HECW2: variants seen among roughly 807,000 people sequenced by gnomAD.
The protein encoded by HECW2 is HECT, C2 and WW domain containing E3 ubiquitin protein ligase 2, also known as E3 ubiquitin-protein ligase HECW2.
Under a neutral mutation model 175.2 loss-of-function variants are expected in HECW2, and 61 were observed. That is an observed-to-expected ratio of 0.35 (90% CI 0.28 to 0.43). The LOEUF (loss-of-function observed/expected upper bound fraction) is 0.43, where lower values mean the gene tolerates loss of function less well. Ranked by LOEUF, HECW2 falls within the 20% of genes least tolerant of loss-of-function variation. The probability of loss-of-function intolerance (pLI) is 1.00; values close to 1 mark genes in which losing one functional copy is unlikely to be tolerated. For synonymous variants in HECW2, 671 were observed against 731.0 expected, an observed-to-expected ratio of 0.92 and a Z score of 1.32; for missense variants, 1,524 against 2,000.5, an observed-to-expected ratio of 0.76 and a Z score of 4.54.
At chr2:196,291,316 T>C (rs1690595799) in intron 14 of HECW2, 2 of 152,186 alleles carry the variant, frequency 1.3e-5, no homozygotes, top group African/African-American at 2.4e-5. Context: ...TCCATTCCTG[T>C]CTTTCACTAG....
intron 21 of HECW2, among the ~76,000 whole-genome samples, chr2:196,236,735 C>A (rs115260186): frequency 0.011 from 1,648 of 152,248 alleles, 21 homozygotes; most frequent in African/African-American, 0.037. Flanking sequence ...CATGGTTGGA[C>A]TAGCATTATG....
intron 4 of HECW2, among the ~76,000 whole-genome samples, chr2:196,331,736 C>T (rs991158073): frequency 3.9e-5 from 6 of 152,204 alleles, no homozygotes; most frequent in Non-Finnish European, 1.5e-5. Flanking sequence ...TGAACAACAA[C>T]TCTGGCAAAA....
At chr2:196,201,466 GTGTC>G in intron 28 of HECW2, 78 bp from the exon 29 acceptor site, 1 of 902,662 alleles carries the variant, frequency 1.1e-6, no homozygotes, top group South Asian at 1.4e-5. Flanking sequence ...GTGTGTGTGT[GTGTC>G]TGTGTGTGTA....
At chr2:196,489,528 A>G (rs1687117408) in intron 1 of HECW2, among the ~76,000 whole-genome samples, 1 of 152,160 alleles carries the variant, frequency 6.6e-6, no homozygotes, top group South Asian at 2.1e-4. Flanking sequence ...ACATACTCCA[A>G]ATCCTTTCCT....
At chr2:196,311,451 T>C (rs1228608449) in intron 10 of HECW2, among the ~76,000 whole-genome samples, 1 of 152,180 alleles carries the variant, frequency 6.6e-6, no homozygotes, top group Non-Finnish European at 1.5e-5. Context: ...AACAAACCCA[T>C]GAGGCAAATG....
intron 3 of HECW2, among the ~76,000 whole-genome samples, chr2:196,335,885 T>G (rs975505178): frequency 6.6e-6 from 1 of 152,154 alleles, no homozygotes; most frequent in South Asian, 2.1e-4. Flanking sequence ...AGGTTTCTGG[T>G]CTAGTGGCTG....
chr2:196,342,722 T>C (rs1011773167), intron 3 of HECW2, among the ~76,000 whole-genome samples: 1 of 152,124 alleles, frequency 6.6e-6, no homozygotes, highest in Non-Finnish European at 1.5e-5. Flanking sequence ...TAAGCCGACC[T>C]CAATGTCAGT....
At chr2:196,203,071 T>C (rs12620948) in intron 28 of HECW2, among the ~76,000 whole-genome samples, 76,219 of 151,958 alleles carry the variant, frequency 0.5, 21,284 homozygotes, top group South Asian at 0.72. Context: ...GGCATCATGT[T>C]GGCACTCAAA....
At chr2:196,520,149 C>T (rs1467028425) in intron 1 of HECW2, among the ~76,000 whole-genome samples, 1 of 151,978 alleles carries the variant, frequency 6.6e-6, no homozygotes, top group East Asian at 1.9e-4. Flanking sequence ...ACGTTGAATT[C>T]TTACTTTTGA....
At chr2:196,271,115 C>A in intron 17 of HECW2, 78 bp downstream of exon 17, 1 of 843,582 alleles carries the variant, frequency 1.2e-6, no homozygotes, top group South Asian at 1.5e-5. Flanking sequence ...AATAAATTTC[C>A]AAGACAACTA....
intron 10 of HECW2, 137 bp downstream of exon 10, chr2:196,317,137 G>A: frequency 1.5e-6 from 1 of 665,884 alleles, no homozygotes; most frequent in Non-Finnish European, 2.7e-6. Context: ...GACTACACCT[G>A]CTATGTCAAG....
chr2:196,222,259 A>G lies in HECW2; in HGVS notation c.4098T>C (p.His1366=), dbSNP rs776220430. Residue 1366 remains histidine (H), a synonymous_variant, in exon 24 of 29, where the codon CAT becomes CAC. Coordinates refer to ENST00000644978, the MANE Select transcript of HECW2 (RefSeq NM_001348768.2). The stretch of plus-strand genomic sequence containing the variant: ...CAGTGAACGTGAGGTCTAGGATGTC[A>G]TGGATATCATTGTCTTTCATCCACT... ...SLQWMKDNDI[H]DILDLTFTVN... 1.2e-6 allele frequency: 2 copies of G among 1,613,746 alleles called. No homozygotes were observed. Among genetic ancestry groups the G allele is most frequent in the East Asian group, 2.2e-5 (1 of 44,882 alleles).
chr2:196,326,346 C>T (rs1033212938), intron 5 of HECW2, among the ~76,000 whole-genome samples: 1 of 152,164 alleles, frequency 6.6e-6, no homozygotes, highest in African/African-American at 2.4e-5. Flanking sequence ...GGCCCAGGTA[C>T]ATGTGCTGAA....
At chr2:196,506,847 G>A (rs1687776183) in intron 1 of HECW2, among the ~76,000 whole-genome samples, 1 of 151,980 alleles carries the variant, frequency 6.6e-6, no homozygotes, top group African/African-American at 2.4e-5. Flanking sequence ...ACTGGCACAT[G>A]GACCACATTT....
intron 14 of HECW2, chr2:196,288,828 C>G (rs16849063): frequency 0.1 from 15,494 of 152,298 alleles, 1,755 homozygotes; most frequent in African/African-American, 0.28. Flanking sequence ...GAAGATATCC[C>G]TTCACCCTCC....
At chr2:196,527,622 T>A (rs1157112521) in intron 1 of HECW2, among the ~76,000 whole-genome samples, 1 of 152,250 alleles carries the variant, frequency 6.6e-6, no homozygotes, top group African/African-American at 2.4e-5. Flanking sequence ...TGTCAAATTT[T>A]ACCCTACATT....
intron 21 of HECW2, among the ~76,000 whole-genome samples, chr2:196,237,129 T>C (rs1175124445): frequency 6.6e-6 from 1 of 152,230 alleles, no homozygotes; most frequent in East Asian, 1.9e-4. Context: ...GCATATTTTC[T>C]ACTGTTTGCC....
chr2:196,350,018 A>G (rs1468010054), intron 2 of HECW2, among the ~76,000 whole-genome samples: 1 of 152,170 alleles, frequency 6.6e-6, no homozygotes, highest in Non-Finnish European at 1.5e-5. Context: ...CTCCAGGGCA[A>G]CGAATGCCCA....
In HECW2 at chr2:196,307,956, T is replaced by C; in HGVS notation, c.2564A>G (p.Gln855Arg). The C allele has an allele frequency of 1.9e-6, 3 of 1,568,360 alleles. No individual in the cohort carries two copies. Among genetic ancestry groups the C allele is most frequent in the Non-Finnish European group, 2.6e-6 (3 of 1,149,302 alleles). Residue 855 changes from glutamine (Q) to arginine (R), a missense_variant, in exon 11 of 29, where the codon CAA (glutamine) becomes CGA (arginine). This residue lies in a region of HECW2 where 82 missense variants were observed against 124.4 expected (regional missense o/e 0.66). Transcript: ENST00000644978. The part of the protein sequence containing the change: ...QVLQRSNSIQ[Q>R]MEQLNRRYQS... ...TCACCGCCGGTTCAGCTGCTCCATT[T>C]GCTGTATGGAGTTAGATCTCTGCAG...
Sources: gnomAD v4.1 joint callset for allele counts (sites outside exome capture counted in the v4.1 genomes callset) on GRCh38, gnomAD v4.1.1 for gene constraint, gnomAD v4.1.1 regional missense constraint, MANE v1.5 for transcripts, NCBI Gene and HGNC (gene_info 2026-07-23, HGNC 2026-07-21) for gene names.